The following ME1 variants were observed in gnomAD, a reference collection of about 807,000 sequenced individuals.
ME1 encodes NADP-dependent malic enzyme.
ME1 carries 74 observed loss-of-function variants against 66.4 expected under a neutral mutation model. The observed-to-expected ratio is 1.11, with a 90% CI of 0.92 to 1.35. The LOEUF (loss-of-function observed/expected upper bound fraction) is 1.35. Among genes scored for constraint, ME1 ranks in the 40% most tolerant of loss-of-function variants. The pLI, the probability that ME1 is intolerant of heterozygous loss-of-function variation, is 0.00. For missense variants in ME1, 750 were observed against 694.1 expected (o/e 1.08, Z -0.90); for synonymous variants, 251 against 235.6 (o/e 1.07, Z -0.60).
At chr6:83,315,596 C>T (rs1408428936) in intron 5 of ME1, among the ~76,000 whole-genome samples, 183 bp from the exon 6 acceptor site, 1 of 152,050 alleles carries the variant, frequency 6.6e-6, no homozygotes, top group African/African-American at 2.4e-5. Flanking sequence ...ATTTATACAC[C>T]AAATAAGAAA....
At chr6:83,256,083 T>G (rs1766762982) in intron 6 of ME1, among the ~76,000 whole-genome samples, 1 of 152,192 alleles carries the variant, frequency 6.6e-6, no homozygotes, top group African/African-American at 2.4e-5. Flanking sequence ...AAGCATAGGC[T>G]CTGGAGTCAG....
At chr6:83,426,538 A>G (rs1377206187) in intron 1 of ME1, among the ~76,000 whole-genome samples, 1 of 152,220 alleles carries the variant, frequency 6.6e-6, no homozygotes, top group East Asian at 1.9e-4. Flanking sequence ...TTTTCTGAAT[A>G]ATTCATTCAG....
At chr6:83,382,652 C>T (rs1769428079) in intron 3 of ME1, among the ~76,000 whole-genome samples, 1 of 151,956 alleles carries the variant, frequency 6.6e-6, no homozygotes, top group South Asian at 2.1e-4. Context: ...AATTAACAAA[C>T]ATAATACATC....
Position 83,382,201 on chromosome 6 carries a change from G to A in ME1, c.362+16166C>T, listed in dbSNP as rs537950703. Among the ~76,000 whole-genome samples, 7 of 152,098 alleles carry A rather than the reference G, an allele frequency of 4.6e-5. No individual in the cohort carries two copies. In the South Asian group the frequency reaches 1.5e-3, roughly 32 times the overall value. ...CCTTCATAACACAAACAGTACTCAT[G>A]TATTTCTTTGTTCACTTGAATATTA... On this transcript the variant is annotated intron_variant, in intron 3 of 13. Transcript: ENST00000369705.
intron 3 of ME1, among the ~76,000 whole-genome samples, chr6:83,364,367 G>A (rs1160979250): frequency 6.6e-6 from 1 of 152,034 alleles, no homozygotes; most frequent in Non-Finnish European, 1.5e-5. Context: ...TTGTGATTGT[G>A]TGAGTTAATA....
chr6:83,296,004 G>A (rs374583428), intron 6 of ME1, among the ~76,000 whole-genome samples: 6 of 151,990 alleles, frequency 3.9e-5, no homozygotes, highest in East Asian at 1.9e-4. Flanking sequence ...AATAATGAGC[G>A]CCAAAATTAA....
At chr6:83,365,356 A>T (rs560407851) in intron 3 of ME1, among the ~76,000 whole-genome samples, 5 of 152,228 alleles carry the variant, frequency 3.3e-5, no homozygotes, top group African/African-American at 1.2e-4. Context: ...GGCCTCCCAA[A>T]GTGCTGGGAT....
At chr6:83,213,357 G>A (rs1200370567) in intron 13 of ME1, among the ~76,000 whole-genome samples, 1 of 151,216 alleles carries the variant, frequency 6.6e-6, no homozygotes, top group African/African-American at 2.4e-5. Context: ...CCGGGAGGCA[G>A]AGGTTGCAGT....
At chr6:83,264,370 A>C (rs1766949864) in intron 6 of ME1, among the ~76,000 whole-genome samples, 1 of 152,196 alleles carries the variant, frequency 6.6e-6, no homozygotes, top group African/African-American at 2.4e-5. Flanking sequence ...GCCTGCGAAC[A>C]CAACATCTAT....
intron 6 of ME1, among the ~76,000 whole-genome samples, chr6:83,271,355 T>C (rs1767079138): frequency 6.6e-6 from 1 of 152,182 alleles, no homozygotes; most frequent in Non-Finnish European, 1.5e-5. Context: ...TGAAAAGAGC[T>C]GTGTGGCAGT....
intron 6 of ME1, among the ~76,000 whole-genome samples, chr6:83,290,720 G>T (rs532655735): frequency 3.3e-5 from 5 of 152,240 alleles, no homozygotes; most frequent in African/African-American, 1.2e-4. Flanking sequence ...TGACAGTAGG[G>T]TGTTAAAGTC....
At chr6:83,279,465 T>C (rs1767250070) in intron 6 of ME1, among the ~76,000 whole-genome samples, 1 of 152,144 alleles carries the variant, frequency 6.6e-6, no homozygotes. Context: ...CGAAAGGTAA[T>C]GATAGAAGTC....
chr6:83,350,689 G>T (rs1768783071), intron 4 of ME1, among the ~76,000 whole-genome samples: 1 of 151,872 alleles, frequency 6.6e-6, no homozygotes, highest in Admixed American at 6.6e-5. Flanking sequence ...TCACTATGTT[G>T]CCCAGGCTGG....
rs747274917 is a variant in ME1 at position 83,407,914 on chromosome 6, AAC to A, written c.79-15_79-14del. ...TAAAGGCCAAGTCCTATAGAGAAAA[AAC>A]ACACACACACACACAACAGTATTTG... On this transcript the variant is annotated splice_polypyrimidine_tract_variant and intron_variant, in intron 1 of 13. Transcript: ENST00000369705. The A allele has an allele frequency of 1.9e-3, 2,918 of 1,535,552 alleles. No homozygotes were observed. The highest frequency in any genetic ancestry group is 4.6e-3 in the South Asian group (386 of 83,392).
At chr6:83,349,006 A>AAAC (rs1341933497) in intron 4 of ME1, among the ~76,000 whole-genome samples, 2 of 148,026 alleles carry the variant, frequency 1.4e-5, no homozygotes, top group African/African-American at 5.0e-5. Flanking sequence ...AAAAAACAAA[A>AAAC]AACAAAAAAC....
intron 6 of ME1, among the ~76,000 whole-genome samples, chr6:83,270,563 T>C (rs548875022): frequency 1.3e-5 from 2 of 152,222 alleles, no homozygotes; most frequent in Admixed American, 6.5e-5. Flanking sequence ...GGCACGCTAA[T>C]GGAGGGCATT....
intron 5 of ME1, among the ~76,000 whole-genome samples, chr6:83,329,316 G>C (rs763332729): frequency 6.6e-6 from 1 of 152,054 alleles, no homozygotes; most frequent in African/African-American, 2.4e-5. Context: ...AAGATTATCT[G>C]TCCAAATTTG....
chr6:83,256,251 A>G (rs1583343241), intron 6 of ME1, among the ~76,000 whole-genome samples: 1 of 152,188 alleles, frequency 6.6e-6, no homozygotes, highest in African/African-American at 2.4e-5. Flanking sequence ...GCTCAATGCA[A>G]TGACTGGCAC....
chr6:83,248,693 C>T (rs997443489), intron 7 of ME1, among the ~76,000 whole-genome samples: 4 of 152,130 alleles, frequency 2.6e-5, no homozygotes, highest in African/African-American at 9.7e-5. Context: ...TCTTCCTTCA[C>T]TCATCTCTCT....
Sources: gnomAD v4.1 joint callset for allele counts (sites outside exome capture counted in the v4.1 genomes callset) on GRCh38, gnomAD v4.1.1 for gene constraint, MANE v1.5 for transcripts, NCBI Gene and HGNC (gene_info 2026-07-23, HGNC 2026-07-21) for gene names.